ERMARD: variants seen among roughly 807,000 people sequenced by gnomAD.
The protein encoded by ERMARD is ER membrane associated RNA degradation.
In ERMARD, 71 loss-of-function variants were observed where a neutral mutation model predicts 83.9. The ratio of observed to expected loss-of-function variants is 0.85; its 90% confidence interval spans 0.70 to 1.03. ERMARD has a LOEUF of 1.03. ERMARD is among the 50% of genes least tolerant of loss of function. The pLI, the probability that ERMARD is intolerant of heterozygous loss-of-function variation, is 0.00. For synonymous variants in ERMARD, 284 were observed against 298.6 expected, an observed-to-expected ratio of 0.95 and a Z score of 0.50; for missense variants, 838 against 810.9, an observed-to-expected ratio of 1.03 and a Z score of -0.41.
At chr6:169,751,956 C>A in intron 1 of ERMARD, 1 of 438,160 alleles carries the variant, frequency 2.3e-6, no homozygotes, top group Non-Finnish European at 4.0e-6. Context: ...GGGCTGTGCG[C>A]GGTGGCGCGG....
intron 12 of ERMARD, among the ~76,000 whole-genome samples, chr6:169,770,093 G>A (rs1414848546): frequency 6.6e-6 from 1 of 150,496 alleles, no homozygotes; most frequent in Non-Finnish European, 1.5e-5. Flanking sequence ...TTATTTCAAA[G>A]TAAATAATTT....
rs552269370 is a variant in ERMARD, at chr6:169,760,006, G to C, written c.742+32G>C. The stretch of plus-strand genomic sequence containing the variant: ...ACTATGTTTCACATTTTTCCTTATA[G>C]CTTTGCGTAGATATTTGCAAAGTCA... On this transcript the variant is annotated intron_variant, in intron 7 of 17. Transcript: ENST00000366773. 9 of 1,613,174 alleles carry C rather than the reference G, an allele frequency of 5.6e-6. No homozygotes were observed. The East Asian group carries it at 2.0e-4, about 36-fold the overall frequency.
rs763855176 is a variant in ERMARD at position 169,756,785 on chromosome 6, G to A, written c.484G>A (p.Ala162Thr). 1.1e-5 allele frequency: 17 copies of A among 1,613,894 alleles called. No homozygotes were observed. Among genetic ancestry groups the A allele is most frequent in the African/African-American group, 2.7e-5 (2 of 74,914 alleles). Residue 162 changes from alanine (A) to threonine (T), a missense_variant, in exon 5 of 18, where the codon GCT becomes ACT. Transcript: ENST00000366773. The part of the protein sequence containing the change: ...LRDLLSSEEL[A>T]QVFSQSVMNV... ...AGATCTGCTTTCATCTGAGGAGCTT[G>A]CTCAAGTCTTCAGTCAGTCTGTGGT...
In ERMARD at chr6:169,759,568, C is replaced by T. The variant is rs1011135703; in HGVS notation, c.606-270C>T. Reference sequence around the variant, plus strand: ...CTGAGTAGCTGGGACTACAGGCACACGCCACTATGCCCACCTAACTTTTTT... The same window carrying T: ...CTGAGTAGCTGGGACTACAGGCACATGCCACTATGCCCACCTAACTTTTTT... On this transcript the variant is annotated intron_variant, in intron 6 of 17. Coordinates refer to ENST00000366773, the MANE Select transcript of ERMARD (RefSeq NM_018341.3). Among the ~76,000 whole-genome samples, 30 of 152,094 alleles carry T rather than the reference C, an allele frequency of 2.0e-4. 1 individual carries two copies. The highest frequency in any genetic ancestry group is 1.6e-3 in the Admixed American group (24 of 15,272).
At chr6:169,779,907 G>A (rs1031644251) in intron 17 of ERMARD, among the ~76,000 whole-genome samples, 24 of 152,222 alleles carry the variant, frequency 1.6e-4, no homozygotes, top group African/African-American at 5.8e-4. Flanking sequence ...AAACCAAGGA[G>A]GCTTCCGGGC....
At chr6:169,765,058 C>T (rs1562331934) in intron 9 of ERMARD, among the ~76,000 whole-genome samples, 3 of 152,370 alleles carry the variant, frequency 2.0e-5, no homozygotes, top group South Asian at 2.1e-4. Flanking sequence ...CCACTCAGCG[C>T]GGTGTGGAGC....
intron 9 of ERMARD, among the ~76,000 whole-genome samples, chr6:169,763,094 C>T: frequency 6.6e-6 from 1 of 152,200 alleles, no homozygotes; most frequent in Non-Finnish European, 1.5e-5. Flanking sequence ...CTGAGGCAAG[C>T]GTCTCTGAGT....
rs1792425982 is a variant in ERMARD, at chr6:169,767,942, TCCTGAACA to T, written c.991-156_991-149del. 8 of 617,976 alleles carry T rather than the reference TCCTGAACA, an allele frequency of 1.3e-5. No homozygotes were observed. The South Asian group carries it at 1.6e-4, about 12-fold the overall frequency. The allele number at this position is 617,976 out of a possible 1,614,324, so 38.3% of individuals were successfully genotyped here. On this transcript the variant is annotated intron_variant, in intron 10 of 17. Coordinates refer to ENST00000366773, the MANE Select transcript of ERMARD (RefSeq NM_018341.3). Reference sequence around the variant, plus strand: ...TCATTCTGTTGGTTAAGAAAATATTTCCTGAACACCTGTTTGCTGAATTTTAAAGACTG... The same window carrying T: ...TCATTCTGTTGGTTAAGAAAATATTTCCTGTTTGCTGAATTTTAAAGACTG...
chr6:169,755,556 G>C, intron 3 of ERMARD, 134 bp downstream of exon 3: 3 of 1,111,912 alleles, frequency 2.7e-6, no homozygotes, highest in Non-Finnish European at 3.8e-6. Flanking sequence ...GGTTGTAAGA[G>C]AACCCTGGGC....
intron 17 of ERMARD, 97 bp from the exon 18 acceptor site, chr6:169,781,233 T>C (rs1562358095): frequency 8.8e-7 from 1 of 1,139,862 alleles, no homozygotes; most frequent in African/African-American, 1.6e-5. Context: ...TAACTGCAGT[T>C]TACTTTAGGA....
intron 3 of ERMARD, 38 bp downstream of exon 3, chr6:169,755,460 T>C: frequency 1.9e-6 from 3 of 1,611,466 alleles, no homozygotes; most frequent in Non-Finnish European, 2.5e-6. Context: ...TAAAAGACTG[T>C]GCGAATACTA....
chr6:169,765,419 G>A (rs1486134571), intron 9 of ERMARD, among the ~76,000 whole-genome samples: 1 of 152,220 alleles, frequency 6.6e-6, no homozygotes, highest in Admixed American at 6.5e-5. Context: ...CAGGACCAGT[G>A]GAAGATATGA....
At chr6:169,755,685 C>T in intron 3 of ERMARD, 1 of 404,980 alleles carries the variant, frequency 2.5e-6, no homozygotes, top group Non-Finnish European at 4.4e-6. Flanking sequence ...ACACGGTGCC[C>T]ATCCAAGGAT....
chr6:169,779,394 C>A, intron 17 of ERMARD, 99 bp downstream of exon 17: 1 of 1,042,850 alleles, frequency 9.6e-7, no homozygotes, highest in Non-Finnish European at 1.5e-6. Flanking sequence ...GTGACACTAT[C>A]CCCTTGGTGG....
At chr6:169,774,565 C>T (rs1262186358) in intron 13 of ERMARD, among the ~76,000 whole-genome samples, 1 of 152,224 alleles carries the variant, frequency 6.6e-6, no homozygotes, top group Non-Finnish European at 1.5e-5. Flanking sequence ...GTACTTACCA[C>T]TTCCTGTCCC....
chr6:169,762,838 C>T (rs1207345737), intron 9 of ERMARD, among the ~76,000 whole-genome samples: 1 of 152,204 alleles, frequency 6.6e-6, no homozygotes, highest in African/African-American at 2.4e-5. Flanking sequence ...TGGCTGCGGT[C>T]TAGCCGGGAG....
upstream of ERMARD, chr6:169,751,506 G>A (rs767254201): frequency 1.2e-6 from 2 of 1,610,966 alleles, no homozygotes; most frequent in South Asian, 1.1e-5. Context: ...CACCGCCGGC[G>A]GTCAAACGCC....
chr6:169,754,031 A>G lies in ERMARD; in HGVS notation c.174A>G (p.Ser58=), dbSNP rs756298238. The G allele has an allele frequency of 2.5e-6, 4 of 1,607,068 alleles. No individual in the cohort carries two copies. Among genetic ancestry groups the G allele is most frequent in the East Asian group, 4.5e-5 (2 of 44,808 alleles). Residue 58 remains serine (S), a splice_region_variant and synonymous_variant, in exon 2 of 18, where the codon TCA becomes TCG. Transcript: ENST00000366773. The part of the protein sequence containing the change: ...TITDCVSYTE[S]EQGLDYWGSV... ...CAGACTGTGTGAGCTACACAGAGTC[A>G]GGTTTGTGCTGTCTTTGTACTCCAA...
At chr6:169,753,490 A>G (rs934666652) in intron 1 of ERMARD, 3 of 158,314 alleles carry the variant, frequency 1.9e-5, no homozygotes, top group Non-Finnish European at 2.8e-5. Flanking sequence ...GCTGAGAGCA[A>G]TAATGCTCTG....
Sources: allele counts gnomAD v4.1 joint callset (sites outside exome capture counted in the v4.1 genomes callset), GRCh38; gene constraint gnomAD v4.1.1; transcripts MANE v1.5; gene names NCBI Gene and HGNC (gene_info 2026-07-23, HGNC 2026-07-21).